Variants in TET1 observed in about 807,000 individuals in gnomAD.
TET1 encodes the protein methylcytosine dioxygenase TET1.
A neutral mutation model predicts 148.7 loss-of-function variants in TET1; 13 were observed. That is an observed-to-expected ratio of 0.09 (90% CI 0.06 to 0.14). The LOEUF is 0.14. TET1 is among the 10% of genes least tolerant of loss of function. TET1 has a pLI of 1.00. For synonymous variants in TET1, 907 were observed against 937.2 expected, an observed-to-expected ratio of 0.97 and a Z score of 0.59; for missense variants, 2,182 against 2,553.8, an observed-to-expected ratio of 0.85 and a Z score of 3.14.
chr10:68,691,251 C>G lies in TET1; in HGVS notation c.5848C>G (p.Gln1950Glu), dbSNP rs1416995594. ...CCAGCCCTCCTTCCTCACCTCTCCT[C>G]AAGACCTTGCCTCTTCTCCAATGGA... The part of the protein sequence containing the change: ...NHQPSFLTSP[Q>E]DLASSPMEED... Residue 1950 changes from glutamine to glutamate, a missense_variant, in exon 12 of 12, where the codon CAA becomes GAA. Gln to Glu is a conservative substitution (Grantham distance 29). Transcript: ENST00000373644. This position sits in a 1 kb window ranked among gnomAD's most constrained non-coding sequence, Gnocchi z 4.4. The G allele has an allele frequency of 6.2e-7, 1 of 1,614,060 alleles. No homozygotes were observed. Among genetic ancestry groups the G allele is most frequent in the Admixed American group, 1.7e-5 (1 of 59,998 alleles).
At chr10:68,615,943 G>A (rs545821753) in intron 3 of TET1, among the ~76,000 whole-genome samples, 11 of 152,274 alleles carry the variant, frequency 7.2e-5, no homozygotes, top group African/African-American at 2.2e-4. Context: ...CACCACGTCC[G>A]GCCTAAGAAT....
intron 3 of TET1, among the ~76,000 whole-genome samples, chr10:68,624,641 T>TTTC: frequency 4.1e-5 from 2 of 48,764 alleles, no homozygotes; most frequent in East Asian, 9.4e-4. Context: ...TCTTTCTTTC[T>TTTC]TTCTTTCTTT....
chr10:68,663,574 T>A lies in TET1; in HGVS notation c.4462-3471T>A, dbSNP rs188248670. The stretch of plus-strand genomic sequence containing the variant: ...TAATAATTGTGTCCTATTATTTTAA[T>A]ACCAGTCATATATCATATTGTCTGT... On this transcript the variant is annotated intron_variant, in intron 6 of 11. Coordinates refer to ENST00000373644, the MANE Select transcript of TET1 (RefSeq NM_030625.3). 2.2e-3 allele frequency among the ~76,000 whole-genome samples: 328 copies of A among 152,318 alleles called. 3 individuals are homozygous for A. Among genetic ancestry groups the A allele is most frequent in the African/African-American group, 7.4e-3 (309 of 41,574 alleles).
intron 6 of TET1, among the ~76,000 whole-genome samples, chr10:68,657,309 T>C (rs903537909): frequency 1.3e-5 from 2 of 152,024 alleles, no homozygotes; most frequent in Admixed American, 6.6e-5. Flanking sequence ...CCCGAGTAGC[T>C]AGGACTACAG....
chr10:68,600,393 C>T lies in TET1; in HGVS notation c.1915-588C>T, dbSNP rs558596665. ...GTTGAAGCCTCCTGTGATTTCGGCG[C>T]GACCAGATCCTCTGCAGCGAACTCC... On this transcript the variant is annotated intron_variant, in intron 2 of 11. Coordinates refer to ENST00000373644, the MANE Select transcript of TET1 (RefSeq NM_030625.3). Among the ~76,000 whole-genome samples the T allele has an allele frequency of 1.5e-4, 23 of 152,248 alleles. No individual in the cohort carries two copies. The South Asian group carries it at 4.8e-3, about 32-fold the overall frequency.
Position 68,690,967 on chromosome 10 carries a change from C to T in TET1, c.5564C>T (p.Ala1855Val). ...GGCTTCTCCTGGTCCCCGAAGACTGCTTCAGCCACACCAGCTCCACTGAAG... is the reference window on the plus strand; with the variant it reads ...GGCTTCTCCTGGTCCCCGAAGACTGTTTCAGCCACACCAGCTCCACTGAAG... Reference protein sequence around the residue: ...SPGFSWSPKTASATPAPLKND... With the variant: ...SPGFSWSPKTVSATPAPLKND... The change falls in exon 12 of 12, where the codon GCT (alanine) becomes GTT (valine). Residue 1855 changes from alanine (A) to valine (V), a missense_variant. Coordinates refer to ENST00000373644, the MANE Select transcript of TET1 (RefSeq NM_030625.3). 1.2e-6 allele frequency: 2 copies of T among 1,614,236 alleles called. No individual in the cohort carries two copies. Among genetic ancestry groups the T allele is most frequent in the Non-Finnish European group, 1.7e-6 (2 of 1,180,036 alleles).
intron 2 of TET1, among the ~76,000 whole-genome samples, chr10:68,596,043 T>TATATATAC (rs1385431976): frequency 3.1e-5 from 4 of 131,146 alleles, no homozygotes; most frequent in Non-Finnish European, 4.8e-5. Flanking sequence ...TATATATATA[T>TATATATAC]ACACATTTTT....
At chr10:68,611,253 T>C (rs2054205009) in intron 3 of TET1, among the ~76,000 whole-genome samples, 1 of 151,852 alleles carries the variant, frequency 6.6e-6, no homozygotes. Flanking sequence ...ATTGTGCCAC[T>C]GCACTGTAGC....
chr10:68,613,192 A>T (rs2054241572), intron 3 of TET1, among the ~76,000 whole-genome samples: 2 of 152,224 alleles, frequency 1.3e-5, no homozygotes, highest in African/African-American at 4.8e-5. Flanking sequence ...GCAAATCAAG[A>T]TACATATTTA....
intron 3 of TET1, among the ~76,000 whole-genome samples, chr10:68,640,259 A>T (rs1589102930): frequency 7.4e-6 from 1 of 135,952 alleles, no homozygotes. Flanking sequence ...GACTTTCTCT[A>T]CCTTAAATTT....
chr10:68,684,554 G>A (rs1055170537), intron 10 of TET1, among the ~76,000 whole-genome samples: 1 of 152,078 alleles, frequency 6.6e-6, no homozygotes, highest in Non-Finnish European at 1.5e-5. Flanking sequence ...GAATATCTGT[G>A]ATCAGGCTGA....
chr10:68,644,994 C>G lies in TET1; in HGVS notation c.2265C>G (p.Thr755=), dbSNP rs187387515. The G allele has an allele frequency of 1.9e-6, 3 of 1,613,480 alleles. No individual in the cohort carries two copies. Among genetic ancestry groups the G allele is most frequent in the Non-Finnish European group, 2.5e-6 (3 of 1,179,750 alleles). ...AATCTCCAAAATTGTTTGTACAAAC[C>G]GTAAGAAATGGCATTAAACATGTAC... The part of the protein sequence containing the change: ...RTKSPKLFVQ[T]VRNGIKHVHC... Residue 755 remains threonine (T), a synonymous_variant, in exon 4 of 12, where the codon ACC becomes ACG. Transcript: ENST00000373644.
At chr10:68,659,466 G>A (rs2055073867) in intron 6 of TET1, among the ~76,000 whole-genome samples, 1 of 152,006 alleles carries the variant, frequency 6.6e-6, no homozygotes, top group African/African-American at 2.4e-5. Context: ...TTACAGGCGT[G>A]TGCCACCATG....
At chr10:68,586,199 A>G (rs1397244098) in intron 2 of TET1, among the ~76,000 whole-genome samples, 1 of 151,932 alleles carries the variant, frequency 6.6e-6, no homozygotes, top group Non-Finnish European at 1.5e-5. Flanking sequence ...GTGTTTTGAG[A>G]AGGAGTCTTG....
intron 3 of TET1, among the ~76,000 whole-genome samples, chr10:68,629,936 C>T (rs1341981598): frequency 6.6e-6 from 1 of 152,170 alleles, no homozygotes; most frequent in Non-Finnish European, 1.5e-5. Flanking sequence ...AAGTCACCCT[C>T]AATTCTGAGA....
rs1261233777 is a variant in TET1 at position 68,646,686 on chromosome 10, A to G, written c.3957A>G (p.Ile1319Met). The change falls in exon 4 of 12, where the codon ATA (isoleucine) becomes ATG (methionine). Residue 1319 changes from isoleucine (I) to methionine (M), a missense_variant. By Grantham distance (10) the Ile-to-Met change is conservative. Around this residue, in one of 11 missense-constraint regions of TET1, gnomAD observed 582 missense variants for 599.5 expected, o/e 0.97. Coordinates refer to ENST00000373644, the MANE Select transcript of TET1 (RefSeq NM_030625.3). ...ACGTGATGGCAGGCGATGACCAAATACGGTTTCAGCAGGTTGTTAAGGAGC... is the reference window on the plus strand; with the variant it reads ...ACGTGATGGCAGGCGATGACCAAATGCGGTTTCAGCAGGTTGTTAAGGAGC... Reference protein sequence around the residue: ...CANVMAGDDQIRFQQVVKEQL... With the variant: ...CANVMAGDDQMRFQQVVKEQL... 1 of 1,614,130 alleles carries G rather than the reference A, an allele frequency of 6.2e-7. No homozygotes were observed. The highest frequency in any genetic ancestry group is 2.2e-5 in the East Asian group (1 of 44,874).
chr10:68,593,573 G>A (rs1214727460), intron 2 of TET1, among the ~76,000 whole-genome samples: 1 of 151,994 alleles, frequency 6.6e-6, no homozygotes, highest in Non-Finnish European at 1.5e-5. Flanking sequence ...GAGTAGCTGG[G>A]ACTACAGGCA....
intron 7 of TET1, among the ~76,000 whole-genome samples, chr10:68,669,818 T>G (rs986320293): frequency 2.0e-5 from 3 of 151,774 alleles, no homozygotes; most frequent in African/African-American, 7.3e-5. Context: ...TCCAGCTAAT[T>G]TTTGTTGTTG....
intron 3 of TET1, among the ~76,000 whole-genome samples, chr10:68,644,062 G>A (rs1335435369): frequency 1.3e-5 from 2 of 151,418 alleles, no homozygotes; most frequent in Admixed American, 6.6e-5. Flanking sequence ...GCACCACCAC[G>A]TCCTGCTAAT....
Sources: gnomAD v4.1 joint callset for allele counts (sites outside exome capture counted in the v4.1 genomes callset) on GRCh38, gnomAD v4.1.1 for gene constraint, gnomAD v4.1.1 regional missense constraint, Gnocchi (gnomAD v3.1) non-coding constraint, MANE v1.5 for transcripts, NCBI Gene and HGNC (gene_info 2026-07-23, HGNC 2026-07-21) for gene names.